GALNT11: variants seen among roughly 807,000 people sequenced by gnomAD.
GALNT11 encodes polypeptide N-acetylgalactosaminyltransferase 11, also known as UDP-GalNAc:polypeptide N-acetylgalactosaminyltransferase 11.
Under a neutral mutation model 72.7 loss-of-function variants are expected in GALNT11, and 47 were observed. That is an observed-to-expected ratio of 0.65 (90% CI 0.51 to 0.82). The LOEUF (loss-of-function observed/expected upper bound fraction) is 0.82, where lower values mean the gene tolerates loss of function less well. Among genes scored for constraint, GALNT11 ranks in the 40% least tolerant of loss-of-function variants. The pLI, the probability that GALNT11 is intolerant of heterozygous loss-of-function variation, is 0.00. For missense variants in GALNT11, 677 were observed against 778.4 expected, an observed-to-expected ratio of 0.87 and a Z score of 1.55; for synonymous variants, 270 against 286.6, an observed-to-expected ratio of 0.94 and a Z score of 0.58.
At chr7:152,118,923 T>G (rs916487094) in intron 10 of GALNT11, 141 bp downstream of exon 10, 3 of 586,124 alleles carry the variant, frequency 5.1e-6, no homozygotes, top group African/African-American at 1.9e-5. Flanking sequence ...GTTGCGTTAT[T>G]GGAACGCTAA....
intron 1 of GALNT11, among the ~76,000 whole-genome samples, chr7:152,033,832 A>G (rs1381338523): frequency 6.6e-6 from 1 of 152,200 alleles, no homozygotes; most frequent in Non-Finnish European, 1.5e-5. Context: ...TTCAGCTGTC[A>G]TTCTGCCATT....
At chr7:152,110,694 A>G (rs1563079061) in intron 7 of GALNT11, 49 bp downstream of exon 7, 1 of 1,243,140 alleles carries the variant, frequency 8.0e-7, no homozygotes, top group Non-Finnish European at 1.2e-6. Context: ...GTGGAATATG[A>G]TTTTCATCCA....
At chr7:152,076,296 T>C (rs576051740) in intron 1 of GALNT11, among the ~76,000 whole-genome samples, 56 of 152,326 alleles carry the variant, frequency 3.7e-4, no homozygotes, top group African/African-American at 1.3e-3. Context: ...GTTGTTCCTT[T>C]TCTGTTGAAA....
intron 9 of GALNT11, 126 bp downstream of exon 9, chr7:152,117,501 C>G (rs546452433): frequency 4.3e-5 from 39 of 904,788 alleles, no homozygotes; most frequent in Non-Finnish European, 6.5e-5. Context: ...CTTCAGCTTG[C>G]CTTTCATTAT....
At position 152,108,264 on chromosome 7, in the gene GALNT11, G is replaced by A. The variant is rs200681972; in HGVS notation, c.939G>A (p.Ala313=). 1.4e-5 allele frequency: 22 copies of A among 1,612,344 alleles called. No homozygotes were observed. The highest frequency in any genetic ancestry group is 1.2e-4 in the Admixed American group (7 of 59,994). The change falls in exon 6 of 12, where the codon GCG becomes GCA. Residue 313 remains alanine, a synonymous_variant. Transcript: ENST00000430044. ...DLVPLSELGR[A]EGATAPIKSP... is the part of the protein sequence containing the mutation. The stretch of plus-strand genomic sequence containing the variant: ...TCCCCCTTTCTGAGCTAGGACGAGC[G>A]GAGGGAGCCACTGCACCAATAAAGT...
chr7:152,100,804 T>C lies in GALNT11; in HGVS notation c.302T>C (p.Ile101Thr). ...TAACTTCACTCTTTTGCAGGTATGA[T>C]TTTTAATGAACGCGATCAAGAGTTG... ...HLKFSSELGM[I>T]FNERDQELRD... Residue 101 changes from isoleucine to threonine, a missense_variant, in exon 3 of 12, where the codon ATT becomes ACT. Transcript: ENST00000430044. 1 of 1,613,606 alleles carries C rather than the reference T, an allele frequency of 6.2e-7. No homozygotes were observed. The highest frequency in any genetic ancestry group is 8.5e-7 in the Non-Finnish European group (1 of 1,179,830).
intron 1 of GALNT11, among the ~76,000 whole-genome samples, chr7:152,088,006 G>A (rs925697469): frequency 1.3e-5 from 2 of 152,158 alleles, no homozygotes; most frequent in South Asian, 2.1e-4. Flanking sequence ...CCCAAATCTG[G>A]CTGTGCATCA....
chr7:152,038,673 A>C (rs1364149781), intron 1 of GALNT11, among the ~76,000 whole-genome samples: 16 of 152,216 alleles, frequency 1.1e-4, no homozygotes, highest in Admixed American at 1.0e-3. Context: ...ATGGTGAGCT[A>C]CTTCTTGCAG....
At chr7:152,061,684 T>C (rs1375699830) in intron 1 of GALNT11, among the ~76,000 whole-genome samples, 1 of 151,258 alleles carries the variant, frequency 6.6e-6, no homozygotes, top group African/African-American at 2.4e-5. Context: ...GTTTCAGCTT[T>C]CTACTTATGG....
intron 1 of GALNT11, among the ~76,000 whole-genome samples, chr7:152,053,072 G>A (rs564796020): frequency 1.1e-4 from 17 of 152,186 alleles, no homozygotes; most frequent in African/African-American, 2.2e-4. Context: ...CTATGAGAGC[G>A]TCTTTCTTGA....
At position 152,094,108 on chromosome 7, in the gene GALNT11, G is replaced by A; in HGVS notation, c.-38-82G>A. The A allele has an allele frequency of 8.7e-7, 1 of 1,149,198 alleles. No homozygotes were observed. The highest frequency in any genetic ancestry group is 1.2e-6 in the Non-Finnish European group (1 of 806,868). 71.2% of individuals were successfully genotyped at this position (1,149,198 alleles called of 1,614,324 possible). A position where few individuals can be genotyped will look rare whatever the true frequency, so the allele number is the denominator to read the frequency against. On this transcript the variant is annotated intron_variant, in intron 1 of 11. Transcript: ENST00000430044. The surrounding 1 kb of genome is among the most constrained non-coding windows in gnomAD (Gnocchi z 4.3). ...TGTACGCATAGTGGTCCTACTTGGT[G>A]GTTTGGAAAACAGTGATTCTGTATT...
chr7:152,026,382 T>C (rs2082015090), intron 1 of GALNT11, among the ~76,000 whole-genome samples: 1 of 152,226 alleles, frequency 6.6e-6, no homozygotes, highest in Non-Finnish European at 1.5e-5. Context: ...GTTTTGTTCC[T>C]AAGACAGCTG....
intron 1 of GALNT11, among the ~76,000 whole-genome samples, chr7:152,062,484 G>A (rs1456510033): frequency 6.6e-6 from 1 of 152,076 alleles, no homozygotes; most frequent in African/African-American, 2.4e-5. Context: ...TTGCCCTGGC[G>A]AGGACTTCCA....
intron 9 of GALNT11, chr7:152,117,596 GGTAA>G (rs1158666242): frequency 1.2e-5 from 7 of 578,596 alleles, no homozygotes; most frequent in Non-Finnish European, 2.1e-5. Flanking sequence ...CTTCTGTGAG[GGTAA>G]GTTATGTGAC....
intron 2 of GALNT11, 129 bp from the exon 3 acceptor site, chr7:152,100,669 C>T: frequency 1.7e-6 from 2 of 1,184,990 alleles, no homozygotes; most frequent in Non-Finnish European, 2.3e-6. Context: ...TAGAGACAAC[C>T]TAAGTTTGAG....
chr7:152,094,291 G>A lies in GALNT11; in HGVS notation c.64G>A (p.Val22Ile), dbSNP rs2086232779. Residue 22 changes from valine (V) to isoleucine (I), a missense_variant, in exon 2 of 12, where the codon GTT (valine) becomes ATT (isoleucine). Val to Ile is a conservative substitution (Grantham distance 29). Transcript: ENST00000430044. This position sits in a 1 kb window ranked among gnomAD's most constrained non-coding sequence, Gnocchi z 4.3. ...GCLFTSATWT[V>I]LLFVYFNFSE... ...CCTTTTTACATCTGCGACCTGGACA[G>A]TTTTGCTTTTTGTTTATTTCAACTT... 1.9e-6 allele frequency: 3 copies of A among 1,614,096 alleles called. No individual in the cohort carries two copies. The highest frequency in any genetic ancestry group is 2.5e-6 in the Non-Finnish European group (3 of 1,179,986).
At chr7:152,051,994 T>G (rs2083429457) in intron 1 of GALNT11, among the ~76,000 whole-genome samples, 1 of 152,212 alleles carries the variant, frequency 6.6e-6, no homozygotes, top group African/African-American at 2.4e-5. Context: ...CCAAAACTTT[T>G]TCATTACCCC....
At chr7:152,092,070 G>T (rs988166672) in intron 1 of GALNT11, among the ~76,000 whole-genome samples, 1 of 152,158 alleles carries the variant, frequency 6.6e-6, no homozygotes, top group African/African-American at 2.4e-5. Context: ...CTCCCTAGGT[G>T]CCTGGTTCCT....
chr7:152,030,961 A>G (rs1030592284), intron 1 of GALNT11, among the ~76,000 whole-genome samples: 3 of 152,208 alleles, frequency 2.0e-5, no homozygotes, highest in Non-Finnish European at 2.9e-5. Flanking sequence ...ACTGCATGCA[A>G]TAACTCCATG....
Sources: allele counts gnomAD v4.1 joint callset (sites outside exome capture counted in the v4.1 genomes callset), GRCh38; gene constraint gnomAD v4.1.1; non-coding constraint Gnocchi (gnomAD v3.1); transcripts MANE v1.5; gene names NCBI Gene and HGNC (gene_info 2026-07-23, HGNC 2026-07-21).